ABLIM2: variants seen among roughly 807,000 people sequenced by gnomAD.
ABLIM2 encodes actin-binding LIM protein 2.
ABLIM2 carries 53 observed loss-of-function variants against 97.7 expected under a neutral mutation model. The observed-to-expected ratio is 0.54, with a 90% CI of 0.44 to 0.68. The LOEUF is 0.68. ABLIM2 is among the 30% of genes least tolerant of loss of function. The probability of loss-of-function intolerance (pLI) is 0.00; values close to 1 mark genes in which losing one functional copy is unlikely to be tolerated. For synonymous variants in ABLIM2, 361 were observed against 345.8 expected (o/e 1.04, Z -0.49); for missense variants, 835 against 867.2 (o/e 0.96, Z 0.47).
chr4:8,125,630 T>C lies in ABLIM2; in HGVS notation c.11-18993A>G, dbSNP rs1026694667. Reference sequence around the variant, plus strand: ...TGCTTCTGGGATGGTCGTGGTTGGCTCTGCCATCAGTGTGACGGTCCGTCC... The same window carrying C: ...TGCTTCTGGGATGGTCGTGGTTGGCCCTGCCATCAGTGTGACGGTCCGTCC... On this transcript the variant is annotated intron_variant, in intron 1 of 20. Coordinates refer to ENST00000447017, the MANE Select transcript of ABLIM2 (RefSeq NM_001130083.2). This position sits in a 1 kb window ranked among gnomAD's most constrained non-coding sequence, Gnocchi z 6.2. 2.0e-5 allele frequency among the ~76,000 whole-genome samples: 3 copies of C among 152,196 alleles called. No homozygotes were observed. Among genetic ancestry groups the C allele is most frequent in the African/African-American group, 7.2e-5 (3 of 41,458 alleles).
rs1378327100 is a variant in ABLIM2, at chr4:8,004,246, C to G, written c.1618+3813G>C. On this transcript the variant is annotated intron_variant, in intron 16 of 20. Transcript: ENST00000447017. This position sits in a 1 kb window ranked among gnomAD's most constrained non-coding sequence, Gnocchi z 5.9. ...CCAGACATGGGACTCCGCCCGGTCC[C>G]ACAGCGAGAGGACACACAGAAAGTG... is the stretch of plus-strand genomic sequence containing the variant. 1.3e-5 allele frequency among the ~76,000 whole-genome samples: 2 copies of G among 151,984 alleles called. No individual in the cohort carries two copies. Among genetic ancestry groups the G allele is most frequent in the African/African-American group, 4.8e-5 (2 of 41,370 alleles).
chr4:8,138,533 T>A (rs1015849053), intron 1 of ABLIM2, among the ~76,000 whole-genome samples: 1 of 152,046 alleles, frequency 6.6e-6, no homozygotes. Context: ...CACAGACCAA[T>A]GGAACAGAAT....
chr4:8,062,987 G>T (rs1376182809), intron 6 of ABLIM2, among the ~76,000 whole-genome samples: 1 of 152,220 alleles, frequency 6.6e-6, no homozygotes, highest in African/African-American at 2.4e-5. Flanking sequence ...AAGCAACCCT[G>T]CAGGGCAAAC....
rs1462956209 is a variant in ABLIM2, at chr4:8,069,680, G to C, written c.675+7948C>G. Among the ~76,000 whole-genome samples, 4 of 152,052 alleles carry C rather than the reference G, an allele frequency of 2.6e-5. No homozygotes were observed. Among genetic ancestry groups the C allele is most frequent in the African/African-American group, 9.7e-5 (4 of 41,384 alleles). ...TCTGTGTGCATTTCTGTGTGTCTCT[G>C]TGTGTGTTTGTGTGTTGTCTGTGTG... On this transcript the variant is annotated intron_variant, in intron 6 of 20. Coordinates refer to ENST00000447017, the MANE Select transcript of ABLIM2 (RefSeq NM_001130083.2). The surrounding 1 kb of genome is among the most constrained non-coding windows in gnomAD (Gnocchi z 4.2).
At position 8,054,174 on chromosome 4, in the gene ABLIM2, T is replaced by A. The variant is rs753723572; in HGVS notation, c.822+14A>T. ...GTGAAGGGTACATCAGAGACACCAG[T>A]GAATGCCACCAACCTTGTTTCTGTC... On this transcript the variant is annotated intron_variant, in intron 8 of 20. Coordinates refer to ENST00000447017, the MANE Select transcript of ABLIM2 (RefSeq NM_001130083.2). The surrounding 1 kb of genome is among the most constrained non-coding windows in gnomAD (Gnocchi z 4.9). 3 of 1,613,940 alleles carry A rather than the reference T, an allele frequency of 1.9e-6. No homozygotes were observed. The highest frequency in any genetic ancestry group is 2.5e-6 in the Non-Finnish European group (3 of 1,179,822).
intron 8 of ABLIM2, among the ~76,000 whole-genome samples, chr4:8,051,460 G>A (rs1197363893): frequency 3.3e-5 from 5 of 151,608 alleles, no homozygotes; most frequent in South Asian, 4.2e-4. Context: ...GGGAGGCTGC[G>A]GCTGAAGAAT....
intron 11 of ABLIM2, among the ~76,000 whole-genome samples, chr4:8,029,091 T>A (rs1779207202): frequency 6.6e-6 from 1 of 152,012 alleles, no homozygotes; most frequent in African/African-American, 2.4e-5. Context: ...GGGGACAAGG[T>A]GACACGTGTG....
intron 17 of ABLIM2, among the ~76,000 whole-genome samples, chr4:7,988,397 C>A (rs1450537406): frequency 2.0e-5 from 3 of 152,192 alleles, no homozygotes; most frequent in Non-Finnish European, 4.4e-5. Context: ...AGGAGGTGGG[C>A]ATGATTATCA....
chr4:8,090,651 G>T (rs914412706), intron 3 of ABLIM2, among the ~76,000 whole-genome samples: 4 of 151,978 alleles, frequency 2.6e-5, no homozygotes, highest in African/African-American at 9.7e-5. Context: ...GATCATCATT[G>T]TCACCATGGC....
At position 8,117,839 on chromosome 4, in the gene ABLIM2, C is replaced by A. The variant is rs181784710; in HGVS notation, c.11-11202G>T. On this transcript the variant is annotated intron_variant, in intron 1 of 20. Transcript: ENST00000447017. The stretch of plus-strand genomic sequence containing the variant: ...TGTGGGCCTCTCTCCTATCCCCCCA[C>A]GCAGCGTCCTGTTGGCCCAGCTGCT... 4.8e-4 allele frequency among the ~76,000 whole-genome samples: 73 copies of A among 152,366 alleles called. 1 individual carries two copies. In the East Asian group the frequency reaches 0.013, roughly 27 times the overall value.
Position 8,148,994 on chromosome 4 carries a change from A to C in ABLIM2, c.10+9686T>G, listed in dbSNP as rs1193283329. ...CCCAGGGTCCCCAGACACTACGGAG[A>C]GTCAGGCCACGCTGAGATCTGGGGT... On this transcript the variant is annotated intron_variant, in intron 1 of 20. Coordinates refer to ENST00000447017, the MANE Select transcript of ABLIM2 (RefSeq NM_001130083.2). This position sits in a 1 kb window ranked among gnomAD's most constrained non-coding sequence, Gnocchi z 6.7. 6.6e-6 allele frequency among the ~76,000 whole-genome samples: 1 copy of C among 152,146 alleles called. No homozygotes were observed. Among genetic ancestry groups the C allele is most frequent in the African/African-American group, 2.4e-5 (1 of 41,438 alleles).
chr4:8,038,021 G>C (rs1384430683), intron 9 of ABLIM2, among the ~76,000 whole-genome samples: 1 of 152,160 alleles, frequency 6.6e-6, no homozygotes, highest in Admixed American at 6.5e-5. Context: ...AGGAGCTGCC[G>C]GGGGCATTTT....
Position 8,083,532 on chromosome 4 carries a change from G to A in ABLIM2, c.455-2730C>T, listed in dbSNP as rs1194177815. ...TTGAGCTCCAAACTGCAGAGGGGAT[G>A]TGAACCTCACACCTGCCTCGGCCCC... On this transcript the variant is annotated intron_variant, in intron 4 of 20. Coordinates refer to ENST00000447017, the MANE Select transcript of ABLIM2 (RefSeq NM_001130083.2). This position sits in a 1 kb window ranked among gnomAD's most constrained non-coding sequence, Gnocchi z 4.6. Among the ~76,000 whole-genome samples the A allele has an allele frequency of 2.0e-5, 3 of 152,240 alleles. No individual in the cohort carries two copies. The highest frequency in any genetic ancestry group is 2.4e-5 in the African/African-American group (1 of 41,460).
chr4:8,048,283 C>T (rs1489051218), intron 8 of ABLIM2, among the ~76,000 whole-genome samples: 3 of 152,228 alleles, frequency 2.0e-5, no homozygotes, highest in Non-Finnish European at 4.4e-5. Context: ...GGCAATGGAA[C>T]TCAATATCCA....
At chr4:8,076,968 T>G (rs1816587943) in intron 6 of ABLIM2, among the ~76,000 whole-genome samples, 1 of 67,448 alleles carries the variant, frequency 1.5e-5, no homozygotes, top group Non-Finnish European at 2.8e-5. Context: ...GGCTGCAGGA[T>G]GGTGGGATCT....
At position 7,999,049 on chromosome 4, in the gene ABLIM2, G is replaced by A. The variant is rs926021621; in HGVS notation, c.1619-6122C>T. On this transcript the variant is annotated intron_variant, in intron 16 of 20. Transcript: ENST00000447017. The surrounding 1 kb of genome is among the most constrained non-coding windows in gnomAD (Gnocchi z 4.4). ...CCCAGGGATGCTGTGCACAACCAGC[G>A]CTGAGAATCACTGGTTTATTTATTT... Among the ~76,000 whole-genome samples, 5 of 152,164 alleles carry A rather than the reference G, an allele frequency of 3.3e-5. No individual in the cohort carries two copies. The highest frequency in any genetic ancestry group is 4.8e-5 in the African/African-American group (2 of 41,442).
At position 8,033,651 on chromosome 4, in the gene ABLIM2, G is replaced by T. The variant is rs910945769; in HGVS notation, c.1047+2498C>A. Among the ~76,000 whole-genome samples, 3 of 152,182 alleles carry T rather than the reference G, an allele frequency of 2.0e-5. No individual in the cohort carries two copies. The highest frequency in any genetic ancestry group is 7.2e-5 in the African/African-American group (3 of 41,450). On this transcript the variant is annotated intron_variant, in intron 10 of 20. Coordinates refer to ENST00000447017, the MANE Select transcript of ABLIM2 (RefSeq NM_001130083.2). The surrounding 1 kb of genome is among the most constrained non-coding windows in gnomAD (Gnocchi z 4.5). ...ACCCAGGTCTCCCCAGAGGGAGGGG[G>T]TGACTCCCGAGCCACAGTCCCTCCC... is the stretch of plus-strand genomic sequence containing the variant.
chr4:8,102,877 C>T (rs547128272), intron 2 of ABLIM2, among the ~76,000 whole-genome samples: 109 of 152,280 alleles, frequency 7.2e-4, no homozygotes, highest in Non-Finnish European at 1.4e-3. Flanking sequence ...TGGGGGTGAA[C>T]GTGTGACCGA....
rs572318289 is a variant in ABLIM2 at position 8,075,218 on chromosome 4, A to G, written c.675+2410T>C. ...CTACATATTTCATGATTCCATTCAT[A>G]TGAAACGTCCAGAAGAGAAGTCTAT... On this transcript the variant is annotated intron_variant, in intron 6 of 20. Coordinates refer to ENST00000447017, the MANE Select transcript of ABLIM2 (RefSeq NM_001130083.2). This position sits in a 1 kb window ranked among gnomAD's most constrained non-coding sequence, Gnocchi z 4.4. Among the ~76,000 whole-genome samples the G allele has an allele frequency of 9.2e-5, 14 of 151,516 alleles. No individual in the cohort carries two copies. The highest frequency in any genetic ancestry group is 2.9e-4 in the African/African-American group (12 of 41,226).
Sources: gnomAD v4.1 joint callset for allele counts (sites outside exome capture counted in the v4.1 genomes callset) on GRCh38, gnomAD v4.1.1 for gene constraint, Gnocchi (gnomAD v3.1) non-coding constraint, MANE v1.5 for transcripts, NCBI Gene and HGNC (gene_info 2026-07-23, HGNC 2026-07-21) for gene names.